DCDC2: variants seen among roughly 807,000 people sequenced by gnomAD.
DCDC2 encodes doublecortin domain-containing protein 2.
Under a neutral mutation model 50.2 loss-of-function variants are expected in DCDC2, and 40 were observed. The ratio of observed to expected loss-of-function variants is 0.80; its 90% CI spans 0.62 to 1.04. DCDC2 has a LOEUF of 1.04. DCDC2 is among the 50% of genes least tolerant of loss of function. DCDC2 has a pLI of 0.00. For missense variants in DCDC2, 570 were observed against 581.9 expected, an observed-to-expected ratio of 0.98 and a Z score of 0.21; for synonymous variants, 234 against 210.6, an observed-to-expected ratio of 1.11 and a Z score of -0.96.
chr6:24,312,788 C>T (rs1759596791), intron 2 of DCDC2, among the ~76,000 whole-genome samples: 1 of 152,138 alleles, frequency 6.6e-6, no homozygotes, highest in South Asian at 2.1e-4. Context: ...TAAATGAATA[C>T]CTCCATTCAC....
At chr6:24,376,861 C>T in the DCDC2 span, among the ~76,000 whole-genome samples, 1 of 149,088 alleles carries the variant, frequency 6.7e-6, no homozygotes, top group African/African-American at 2.5e-5. Flanking sequence ...GAGTTTTACC[C>T]AGAAATGCTG....
At chr6:24,286,743 C>T (rs1372815296) in intron 6 of DCDC2, among the ~76,000 whole-genome samples, 2 of 152,142 alleles carry the variant, frequency 1.3e-5, no homozygotes, top group Admixed American at 1.3e-4. Context: ...TTACGTAGGT[C>T]ATTCTTTGCC....
At chr6:24,304,774 T>C (rs938331925) in intron 2 of DCDC2, among the ~76,000 whole-genome samples, 45 of 152,220 alleles carry the variant, frequency 3.0e-4, no homozygotes, top group Non-Finnish European at 8.8e-5. Context: ...TGGAGATTGT[T>C]TCAAATGGGT....
chr6:24,328,953 C>A (rs1759921692), intron 2 of DCDC2, among the ~76,000 whole-genome samples: 1 of 152,138 alleles, frequency 6.6e-6, no homozygotes, highest in African/African-American at 2.4e-5. Context: ...AACCACAGCT[C>A]TAAGATAAAC....
intron 7 of DCDC2, among the ~76,000 whole-genome samples, chr6:24,245,355 G>A (rs1314218761): frequency 1.3e-5 from 2 of 152,174 alleles, no homozygotes; most frequent in Admixed American, 1.3e-4. Context: ...GACCATTCCA[G>A]GGGTTCCAAA....
chr6:24,226,065 T>C (rs1368740314), intron 7 of DCDC2, among the ~76,000 whole-genome samples: 1 of 152,236 alleles, frequency 6.6e-6, no homozygotes, highest in Non-Finnish European at 1.5e-5. Context: ...GTGATCAGCA[T>C]TATGTAAGGA....
At chr6:24,352,850 G>T (rs2127255053) in intron 2 of DCDC2, among the ~76,000 whole-genome samples, 1 of 152,312 alleles carries the variant, frequency 6.6e-6, no homozygotes, top group Admixed American at 6.5e-5. Flanking sequence ...GTCTGGGCTG[G>T]TGAACAGAGG....
chr6:24,297,632 C>T (rs1299846918), intron 4 of DCDC2, among the ~76,000 whole-genome samples: 1 of 151,698 alleles, frequency 6.6e-6, no homozygotes, highest in Non-Finnish European at 1.5e-5. Context: ...CCTGTATATA[C>T]CTTTGTGTCC....
intron 2 of DCDC2, among the ~76,000 whole-genome samples, chr6:24,322,631 C>G (rs1285726160): frequency 6.6e-6 from 1 of 152,020 alleles, no homozygotes; most frequent in South Asian, 2.1e-4. Context: ...AAACTTGGTC[C>G]CCACAATCCT....
Position 24,262,907 on chromosome 6 carries a change from G to A in DCDC2, c.922+15142C>T, listed in dbSNP as rs140117131. 3.0e-3 allele frequency among the ~76,000 whole-genome samples: 454 copies of A among 152,338 alleles called. 1 individual carries two copies. Among genetic ancestry groups the A allele is most frequent in the Middle Eastern group, 0.017 (5 of 294 alleles). On this transcript the variant is annotated intron_variant, in intron 7 of 9. Coordinates refer to ENST00000378454, the MANE Select transcript of DCDC2 (RefSeq NM_016356.5). ...AATAGCCAGGCAGTGGTCACTGTGG[G>A]CCTTAGGCAAGACCCAGTGTTGCCC...
intron 7 of DCDC2, among the ~76,000 whole-genome samples, chr6:24,277,449 T>G (rs1197542812): frequency 1.3e-5 from 2 of 152,210 alleles, no homozygotes; most frequent in Non-Finnish European, 2.9e-5. Context: ...CAATTTTCAT[T>G]ACATACTTCC....
intron 7 of DCDC2, among the ~76,000 whole-genome samples, chr6:24,233,299 C>T (rs2113784869): frequency 6.6e-6 from 1 of 152,278 alleles, no homozygotes; most frequent in East Asian, 1.9e-4. Flanking sequence ...ATACTTCTTA[C>T]CTGTGGCCTC....
In DCDC2 at chr6:24,350,927, T is replaced by C. The variant is rs180706174; in HGVS notation, c.348+2642A>G. 3.7e-4 allele frequency among the ~76,000 whole-genome samples: 56 copies of C among 152,332 alleles called. 1 individual carries two copies. Among genetic ancestry groups the C allele is most frequent in the East Asian group, 9.6e-4 (5 of 5,188 alleles). On this transcript the variant is annotated intron_variant, in intron 2 of 9. Transcript: ENST00000378454. ...CAAGTCTGTTCTCAAATTTTGAGCA[T>C]AGATCATCCTCCAACTTATCAACTT... is the stretch of plus-strand genomic sequence containing the variant.
chr6:24,275,037 A>AT (rs140492036), intron 7 of DCDC2, among the ~76,000 whole-genome samples: 21,317 of 151,978 alleles, frequency 0.14, 1,755 homozygotes, highest in African/African-American at 0.22. Context: ...AAATTTTTGC[A>AT]TTTTTTTACA....
intron 7 of DCDC2, among the ~76,000 whole-genome samples, chr6:24,251,466 C>T (rs1040517286): frequency 3.3e-5 from 5 of 152,200 alleles, no homozygotes; most frequent in Admixed American, 3.3e-4. Context: ...CCTAATTCCT[C>T]ACAAACCTCC....
In DCDC2 at chr6:24,310,163, T is replaced by C. The variant is rs962052265; in HGVS notation, c.349-8119A>G. Among the ~76,000 whole-genome samples the C allele has an allele frequency of 2.6e-5, 4 of 152,232 alleles. No homozygotes were observed. In the South Asian group the frequency reaches 8.3e-4, roughly 31 times the overall value. On this transcript the variant is annotated intron_variant, in intron 2 of 9. Transcript: ENST00000378454. Reference sequence around the variant, plus strand: ...TATTAAAGTGTTTTTTAAACAAATATACTTTTTATACTTGGCTATGTCTTA... The same window carrying C: ...TATTAAAGTGTTTTTTAAACAAATACACTTTTTATACTTGGCTATGTCTTA...
At chr6:24,202,844 G>A (rs979342060) in intron 8 of DCDC2, among the ~76,000 whole-genome samples, 2 of 152,012 alleles carry the variant, frequency 1.3e-5, no homozygotes, top group Non-Finnish European at 1.5e-5. Flanking sequence ...ACCAGTAATA[G>A]ACAAACAGAG....
chr6:24,244,625 G>A (rs545335260), intron 7 of DCDC2, among the ~76,000 whole-genome samples: 47 of 152,338 alleles, frequency 3.1e-4, no homozygotes, highest in African/African-American at 1.1e-3. Flanking sequence ...TGCTCTCTGT[G>A]CTTTCTCCTA....
At chr6:24,320,487 A>G (rs937283639) in intron 2 of DCDC2, among the ~76,000 whole-genome samples, 3 of 152,094 alleles carry the variant, frequency 2.0e-5, no homozygotes, top group Admixed American at 6.6e-5. Context: ...ACCTGCCACC[A>G]CAACTGGCTA....
Sources: allele counts gnomAD v4.1 joint callset (sites outside exome capture counted in the v4.1 genomes callset), GRCh38; gene constraint gnomAD v4.1.1; transcripts MANE v1.5; gene names NCBI Gene and HGNC (gene_info 2026-07-23, HGNC 2026-07-21).